RNF138: variants seen among roughly 807,000 people sequenced by gnomAD.
RNF138 encodes the protein E3 ubiquitin-protein ligase RNF138.
RNF138 carries 12 observed loss-of-function variants against 31.0 expected under a neutral mutation model. That is an observed-to-expected ratio of 0.39 (90% CI 0.25 to 0.63). The LOEUF (loss-of-function observed/expected upper bound fraction) is 0.63. Ranked by LOEUF, RNF138 falls within the 20% of genes least tolerant of loss-of-function variation. The pLI is 0.52. For synonymous variants in RNF138, 105 were observed against 99.5 expected (o/e 1.06, Z -0.33); for missense variants, 192 against 300.1 (o/e 0.64, Z 2.66).
At chr18:32,099,281 C>G (rs2039874662) in intron 2 of RNF138, among the ~76,000 whole-genome samples, 1 of 152,114 alleles carries the variant, frequency 6.6e-6, no homozygotes, top group Non-Finnish European at 1.5e-5. Context: ...TAAGTTCTGT[C>G]TAGCACTTTG....
intron 2 of RNF138, among the ~76,000 whole-genome samples, chr18:32,100,468 C>CTTTTTT (rs754111567): frequency 3.1e-4 from 22 of 69,874 alleles, no homozygotes; most frequent in South Asian, 6.4e-4. Context: ...ACCCAACTAA[C>CTTTTTT]TTTTTTTTTT....
intron 2 of RNF138, among the ~76,000 whole-genome samples, chr18:32,104,387 CT>C (rs2039994632): frequency 6.6e-6 from 1 of 151,974 alleles, no homozygotes; most frequent in South Asian, 2.1e-4. Flanking sequence ...TAGTTGTAAG[CT>C]TTAGGTGCTT....
intron 2 of RNF138, among the ~76,000 whole-genome samples, chr18:32,106,015 T>C (rs939251621): frequency 6.6e-6 from 1 of 152,344 alleles, no homozygotes; most frequent in East Asian, 1.9e-4. Flanking sequence ...CTATGAGTTC[T>C]CTCTTGGAAT....
intron 4 of RNF138, 41 bp downstream of exon 4, chr18:32,113,901 G>A: frequency 2.0e-6 from 2 of 1,008,254 alleles, no homozygotes; most frequent in Non-Finnish European, 3.0e-6. Context: ...TTTCATAATT[G>A]AAATGGAAAT....
At chr18:32,095,417 C>T (rs2039787491) in intron 2 of RNF138, among the ~76,000 whole-genome samples, 1 of 152,146 alleles carries the variant, frequency 6.6e-6, no homozygotes, top group Non-Finnish European at 1.5e-5. Context: ...AGTCATCCTC[C>T]TGTCTTGGCC....
chr18:32,096,300 A>T (rs1377602521), intron 2 of RNF138, among the ~76,000 whole-genome samples: 1 of 152,182 alleles, frequency 6.6e-6, no homozygotes, highest in Non-Finnish European at 1.5e-5. Context: ...GAGGTCGGTC[A>T]TTCATTGATG....
intron 2 of RNF138, among the ~76,000 whole-genome samples, chr18:32,100,347 TAGA>T (rs2039907650): frequency 6.6e-6 from 1 of 151,852 alleles, no homozygotes; most frequent in African/African-American, 2.4e-5. Context: ...TTGCCCAGGC[TAGA>T]GTGCAGTGGC....
chr18:32,108,779 C>T (rs1598853320), intron 2 of RNF138, among the ~76,000 whole-genome samples: 1 of 152,268 alleles, frequency 6.6e-6, no homozygotes, highest in East Asian at 1.9e-4. Flanking sequence ...AGCAATCCTC[C>T]TGCCTTAGTC....
chr18:32,113,340 G>A (rs886914608), intron 3 of RNF138, among the ~76,000 whole-genome samples: 5 of 149,456 alleles, frequency 3.3e-5, no homozygotes, highest in African/African-American at 1.2e-4. Flanking sequence ...TTACAAGCGC[G>A]AGCCACTGCA....
intron 4 of RNF138, among the ~76,000 whole-genome samples, chr18:32,120,299 C>T (rs947869748): frequency 2.6e-5 from 4 of 152,112 alleles, no homozygotes; most frequent in African/African-American, 9.7e-5. Context: ...AAATTAAAAA[C>T]ATATATACAT....
At chr18:32,103,380 G>A (rs1323068988) in intron 2 of RNF138, among the ~76,000 whole-genome samples, 2 of 151,070 alleles carry the variant, frequency 1.3e-5, no homozygotes, top group African/African-American at 2.4e-5. Context: ...TGTAGAGGTG[G>A]GGAAATCTCA....
rs1365698572 is a variant in RNF138 at position 32,092,732 on chromosome 18, GGCCGCT to G, written c.-37_-32del. The stretch of plus-strand genomic sequence containing the variant: ...GGCCCCGGGCCGCCACCGTCACCTC[GGCCGCT>G]GCCGCTGTCGCCATCGCCTTGTTTC... On this transcript the variant is annotated 5_prime_UTR_variant, in exon 2 of 8. Coordinates refer to ENST00000261593, the MANE Select transcript of RNF138 (RefSeq NM_016271.5). 5 of 1,320,972 alleles carry G rather than the reference GGCCGCT, an allele frequency of 3.8e-6. No individual in the cohort carries two copies. Among genetic ancestry groups the G allele is most frequent in the South Asian group, 1.3e-5 (1 of 78,680 alleles). 81.8% of individuals were successfully genotyped at this position (1,320,972 alleles called of 1,614,324 possible). A position where few individuals can be genotyped will look rare whatever the true frequency, so the allele number is the denominator to read the frequency against.
chr18:32,108,740 C>G (rs2040076965), intron 2 of RNF138, among the ~76,000 whole-genome samples: 1 of 152,162 alleles, frequency 6.6e-6, no homozygotes. Context: ...GTGATCATAG[C>G]TCACTGCAGC....
intron 2 of RNF138, 46 bp from the exon 3 acceptor site, chr18:32,111,706 AAG>A (rs763354919): frequency 2.8e-6 from 4 of 1,446,238 alleles, no homozygotes; most frequent in African/African-American, 1.4e-5. Context: ...TATAGAGATG[AAG>A]AGAGTAATTT....
intron 2 of RNF138, among the ~76,000 whole-genome samples, chr18:32,103,545 G>GA (rs1199943044): frequency 1.4e-4 from 20 of 142,392 alleles, no homozygotes; most frequent in South Asian, 6.6e-4. Context: ...AAGGCACCAA[G>GA]AAAAAAAAAA....
At chr18:32,122,114 G>A (rs915070686) in intron 4 of RNF138, among the ~76,000 whole-genome samples, 2 of 152,026 alleles carry the variant, frequency 1.3e-5, no homozygotes, top group Admixed American at 6.6e-5. Flanking sequence ...TGATCCACCC[G>A]CCTCAGCCTT....
At chr18:32,092,430 A>G (rs2039708541) in intron 1 of RNF138, among the ~76,000 whole-genome samples, 195 bp downstream of exon 1, 1 of 147,574 alleles carries the variant, frequency 6.8e-6, no homozygotes, top group East Asian at 2.1e-4. Context: ...GAGCCCGGTG[A>G]GGGCGTGGCC....
chr18:32,118,759 G>A (rs184428655), intron 4 of RNF138, among the ~76,000 whole-genome samples: 78 of 152,222 alleles, frequency 5.1e-4, no homozygotes, highest in Admixed American at 4.6e-4. Context: ...AACCCGGGAG[G>A]CCAAGGTTGC....
At chr18:32,106,548 T>TTTTATTTTA (rs2040031402) in intron 2 of RNF138, among the ~76,000 whole-genome samples, 1 of 146,804 alleles carries the variant, frequency 6.8e-6, no homozygotes, top group Non-Finnish European at 1.5e-5. Context: ...TTTTATTTTA[T>TTTTATTTTA]TTTATTTATT....
Sources: allele counts gnomAD v4.1 joint callset (sites outside exome capture counted in the v4.1 genomes callset), GRCh38; gene constraint gnomAD v4.1.1; transcripts MANE v1.5; gene names NCBI Gene and HGNC (gene_info 2026-07-23, HGNC 2026-07-21).